The following CLVS1 variants were observed in gnomAD, a reference collection of about 807,000 sequenced individuals.
CLVS1 encodes clavesin-1.
A neutral mutation model predicts 33.1 loss-of-function variants in CLVS1; 10 were observed. That is an observed-to-expected ratio of 0.30 (90% CI 0.19 to 0.51). The LOEUF is 0.51. Among genes scored for constraint, CLVS1 ranks in the 20% least tolerant of loss-of-function variants. CLVS1 has a pLI of 0.97. For missense variants in CLVS1, 343 were observed against 433.4 expected (o/e 0.79, Z 1.85); for synonymous variants, 163 against 166.1 (o/e 0.98, Z 0.14).
intron 2 of CLVS1, among the ~76,000 whole-genome samples, chr8:61,252,556 C>G (rs1808973174): frequency 6.6e-6 from 1 of 152,128 alleles, no homozygotes; most frequent in African/African-American, 2.4e-5. Flanking sequence ...GAGTCTAAGT[C>G]TCTTTGTAGG....
intron 1 of CLVS1, among the ~76,000 whole-genome samples, chr8:61,097,150 A>G (rs1164322260): frequency 6.6e-6 from 1 of 151,912 alleles, no homozygotes. Flanking sequence ...CACTGAGGCC[A>G]GGAGTTTGAG....
intron 5 of CLVS1, among the ~76,000 whole-genome samples, chr8:61,472,380 G>T (rs1045282795): frequency 6.6e-6 from 1 of 151,970 alleles, no homozygotes. Flanking sequence ...GGGGGGAGGA[G>T]AAGGAGGGAA....
intron 2 of CLVS1, among the ~76,000 whole-genome samples, chr8:61,154,315 G>T (rs904037714): frequency 6.6e-6 from 1 of 151,956 alleles, no homozygotes; most frequent in East Asian, 1.9e-4. Flanking sequence ...AGCTCTGAAT[G>T]AAAGTGGCTC....
intron 2 of CLVS1, among the ~76,000 whole-genome samples, chr8:61,246,011 A>G (rs1808799231): frequency 6.6e-6 from 1 of 151,792 alleles, no homozygotes; most frequent in Non-Finnish European, 1.5e-5. Context: ...ACGTCATATG[A>G]TCCTCCTGTC....
chr8:61,242,888 A>T (rs567762692), intron 2 of CLVS1, among the ~76,000 whole-genome samples: 1 of 151,368 alleles, frequency 6.6e-6, no homozygotes, highest in Non-Finnish European at 1.5e-5. Flanking sequence ...ATTAAAATTG[A>T]CCTCTTTGAG....
intron 2 of CLVS1, among the ~76,000 whole-genome samples, chr8:61,215,385 A>T (rs1393923386): frequency 2.0e-5 from 3 of 152,206 alleles, no homozygotes; most frequent in Admixed American, 6.5e-5. Flanking sequence ...GTACATAAAA[A>T]TAGCTCAAGA....
At chr8:61,050,455 A>T in the CLVS1 span, among the ~76,000 whole-genome samples, 1 of 152,240 alleles carries the variant, frequency 6.6e-6, no homozygotes, top group East Asian at 1.9e-4. Flanking sequence ...GGAAAAGGAC[A>T]TTAAACATCA....
the CLVS1 span, among the ~76,000 whole-genome samples, chr8:61,033,029 GAAAGAAAGAAAGAAAGAA>G: frequency 3.6e-5 from 4 of 111,058 alleles, no homozygotes; most frequent in Non-Finnish European, 5.7e-5. Flanking sequence ...AAGAAAGAAA[GAAAGAAAGAAAGAAAGAA>G]AAAGAAAGAA....
At chr8:61,232,894 C>G (rs1203645335) in intron 2 of CLVS1, among the ~76,000 whole-genome samples, 1 of 152,190 alleles carries the variant, frequency 6.6e-6, no homozygotes, top group East Asian at 1.9e-4. Flanking sequence ...CTCTTTAACT[C>G]CTCATTGATG....
At chr8:61,223,325 T>C (rs1227203001) in intron 2 of CLVS1, among the ~76,000 whole-genome samples, 1 of 152,170 alleles carries the variant, frequency 6.6e-6, no homozygotes, top group Non-Finnish European at 1.5e-5. Flanking sequence ...CCGGTTTTTC[T>C]TTTCTACATT....
chr8:61,170,108 A>G (rs1162102119), intron 2 of CLVS1, among the ~76,000 whole-genome samples: 1 of 152,170 alleles, frequency 6.6e-6, no homozygotes, highest in Admixed American at 6.6e-5. Flanking sequence ...AAATCATCCC[A>G]CAATCAAGAT....
chr8:61,237,224 T>C (rs2931355), intron 2 of CLVS1, among the ~76,000 whole-genome samples: 97,764 of 152,062 alleles, frequency 0.64, 34,260 homozygotes, highest in East Asian at 0.96. Context: ...AAGCTACTGG[T>C]CACTGTGATA....
intron 3 of CLVS1, among the ~76,000 whole-genome samples, chr8:61,398,928 C>T (rs1406851193): frequency 6.6e-6 from 1 of 152,222 alleles, no homozygotes; most frequent in Admixed American, 6.5e-5. Context: ...ATATGTACTA[C>T]ATTTTCTTTA....
At chr8:61,436,604 C>A (rs1816338900) in intron 3 of CLVS1, among the ~76,000 whole-genome samples, 1 of 152,166 alleles carries the variant, frequency 6.6e-6, no homozygotes, top group Non-Finnish European at 1.5e-5. Context: ...TTTGTTCTTC[C>A]ATTAGTCACC....
chr8:61,498,003 A>G (rs1804327445), intron 5 of CLVS1, among the ~76,000 whole-genome samples: 1 of 151,912 alleles, frequency 6.6e-6, no homozygotes, highest in Admixed American at 6.6e-5. Context: ...TTTTTACTAC[A>G]ACGTGTTTTA....
chr8:61,067,411 T>C (rs1333861931), intron 1 of CLVS1, among the ~76,000 whole-genome samples: 1 of 148,930 alleles, frequency 6.7e-6, no homozygotes, highest in African/African-American at 2.4e-5. Context: ...ATTATATATG[T>C]GAGTATATAT....
intron 2 of CLVS1, among the ~76,000 whole-genome samples, chr8:61,260,960 G>T (rs1008848983): frequency 1.3e-5 from 2 of 152,164 alleles, no homozygotes; most frequent in African/African-American, 2.4e-5. Flanking sequence ...CAAATTCCCG[G>T]GTTTCCCTAA....
intron 3 of CLVS1, among the ~76,000 whole-genome samples, chr8:61,445,744 T>C (rs1816738511): frequency 6.6e-6 from 1 of 152,240 alleles, no homozygotes; most frequent in Non-Finnish European, 1.5e-5. Context: ...AAATTAGTGT[T>C]AATTCTTCTG....
chr8:61,034,618 A>T, the CLVS1 span, among the ~76,000 whole-genome samples: 1 of 152,172 alleles, frequency 6.6e-6, no homozygotes, highest in African/African-American at 2.4e-5. Flanking sequence ...GAAATCATGC[A>T]GAAGTTTTAC....
Sources: gnomAD v4.1 joint callset for allele counts (sites outside exome capture counted in the v4.1 genomes callset) on GRCh38, gnomAD v4.1.1 for gene constraint, MANE v1.5 for transcripts, NCBI Gene and HGNC (gene_info 2026-07-23, HGNC 2026-07-21) for gene names.